NTM: variants seen among roughly 807,000 people sequenced by gnomAD.
NTM encodes the protein neurotrimin.
In NTM, 13 loss-of-function variants were observed where a neutral mutation model predicts 42.1. That is an observed-to-expected ratio of 0.31 (90% CI 0.20 to 0.49). The LOEUF (loss-of-function observed/expected upper bound fraction) is 0.49. Ranked by LOEUF, NTM falls within the 20% of genes least tolerant of loss-of-function variation. The probability of loss-of-function intolerance (pLI) is 0.99; values close to 1 mark genes in which losing one functional copy is unlikely to be tolerated. For synonymous variants in NTM, 187 were observed against 179.2 expected (o/e 1.04, Z -0.35); for missense variants, 373 against 452.8 (o/e 0.82, Z 1.60).
chr11:132,021,874 C>T (rs1219502400), intron 2 of NTM, among the ~76,000 whole-genome samples: 1 of 152,218 alleles, frequency 6.6e-6, no homozygotes, highest in Non-Finnish European at 1.5e-5. Context: ...CTGTCATGTC[C>T]TTTCTGCTCA....
Position 131,911,613 on chromosome 11 carries a change from C to T in NTM, c.132C>T (p.Asn44=). ...GDATFPKAMD[N]VTVRQGESAT... is the part of the protein sequence containing the mutation. ...CCACCTTCCCCAAAGCTATGGACAA[C>T]GTGACGGTCCGGCAGGGGGAGAGCG... is the stretch of plus-strand genomic sequence containing the variant. Residue 44 remains asparagine, a synonymous_variant, in exon 2 of 9, where the codon AAC becomes AAT. Transcript: ENST00000683400. The T allele has an allele frequency of 2.5e-6, 4 of 1,614,192 alleles. No homozygotes were observed. Among genetic ancestry groups the T allele is most frequent in the Non-Finnish European group, 3.4e-6 (4 of 1,180,038 alleles).
At chr11:131,385,598 G>A (rs943071540) in intron 1 of NTM, among the ~76,000 whole-genome samples, 3 of 152,160 alleles carry the variant, frequency 2.0e-5, no homozygotes, top group Non-Finnish European at 1.5e-5. Context: ...CCTGCCTATA[G>A]TCCTAGCACT....
At chr11:132,112,949 C>T (rs1591594707) in intron 2 of NTM, among the ~76,000 whole-genome samples, 2 of 152,080 alleles carry the variant, frequency 1.3e-5, no homozygotes, top group Admixed American at 6.6e-5. Context: ...CCAGAAAAGC[C>T]GTGGAAGATA....
chr11:131,856,938 A>C (rs142215195), intron 1 of NTM, among the ~76,000 whole-genome samples: 2 of 152,298 alleles, frequency 1.3e-5, no homozygotes, highest in South Asian at 2.1e-4. Context: ...CCAGGTATAC[A>C]TTTGCAATCC....
At chr11:132,036,991 G>A (rs551710258) in intron 2 of NTM, among the ~76,000 whole-genome samples, 1 of 152,222 alleles carries the variant, frequency 6.6e-6, no homozygotes, top group Non-Finnish European at 1.5e-5. Flanking sequence ...ACTGAGTTGT[G>A]TGATTCACAG....
intron 4 of NTM, among the ~76,000 whole-genome samples, chr11:132,288,515 T>C (rs2094334650): frequency 6.6e-6 from 1 of 152,244 alleles, no homozygotes; most frequent in Non-Finnish European, 1.5e-5. Flanking sequence ...AGAACACCAC[T>C]TGAACTGAAC....
At chr11:132,320,274 C>G (rs1479819937) in intron 7 of NTM, among the ~76,000 whole-genome samples, 1 of 152,208 alleles carries the variant, frequency 6.6e-6, no homozygotes, top group African/African-American at 2.4e-5. Flanking sequence ...CTGGGTTCAT[C>G]TCATTAAGGA....
At chr11:132,250,589 C>G (rs565470116) in intron 4 of NTM, among the ~76,000 whole-genome samples, 1 of 151,332 alleles carries the variant, frequency 6.6e-6, no homozygotes, top group Non-Finnish European at 1.5e-5. Context: ...TCTCTTCACA[C>G]TATTCACTTT....
chr11:132,184,974 C>T (rs2078171970), intron 3 of NTM, among the ~76,000 whole-genome samples: 1 of 152,084 alleles, frequency 6.6e-6, no homozygotes, highest in South Asian at 2.1e-4. Flanking sequence ...TAATACTGTA[C>T]TCTGCCACAG....
chr11:131,957,870 G>A (rs1593179921), intron 2 of NTM, among the ~76,000 whole-genome samples: 1 of 152,182 alleles, frequency 6.6e-6, no homozygotes, highest in East Asian at 1.9e-4. Context: ...GTGGTTGTGT[G>A]TGTGTGTGTA....
intron 1 of NTM, among the ~76,000 whole-genome samples, chr11:131,590,401 C>A (rs144149774): frequency 1.6e-3 from 239 of 152,220 alleles, no homozygotes; most frequent in Admixed American, 3.4e-3. Context: ...AAGAACCAAG[C>A]GACATGCTGG....
intron 2 of NTM, among the ~76,000 whole-genome samples, chr11:132,118,135 A>G: frequency 6.6e-6 from 1 of 152,254 alleles, no homozygotes; most frequent in Non-Finnish European, 1.5e-5. Flanking sequence ...CAATCTAATT[A>G]AGCGGTAGCT....
chr11:132,221,683 A>T (rs2085191232), intron 4 of NTM, among the ~76,000 whole-genome samples: 1 of 152,180 alleles, frequency 6.6e-6, no homozygotes, highest in Non-Finnish European at 1.5e-5. Context: ...CAAGTTTGAG[A>T]ACTGCTGCTG....
intron 2 of NTM, among the ~76,000 whole-genome samples, chr11:131,944,048 C>T (rs1002543803): frequency 3.3e-5 from 5 of 152,060 alleles, no homozygotes; most frequent in African/African-American, 1.2e-4. Context: ...ATAAACTTTT[C>T]TGAAACATTT....
chr11:131,568,983 A>G (rs985327407), intron 1 of NTM, among the ~76,000 whole-genome samples: 2 of 152,302 alleles, frequency 1.3e-5, no homozygotes, highest in Middle Eastern at 3.4e-3. Flanking sequence ...TAGTATATCC[A>G]TAGAATTTTG....
rs983695757 is a variant in NTM at position 131,766,479 on chromosome 11, C to T, written c.83-145085C>T. Among the ~76,000 whole-genome samples, 19 of 152,084 alleles carry T rather than the reference C, an allele frequency of 1.2e-4. No homozygotes were observed. In the East Asian group the frequency reaches 2.9e-3, roughly 23 times the overall value. ...AGCCAGCTTGTCACCTCGCCACACACGGGAGGTACGTCAAGGCTGTCATTA... is the reference window on the plus strand; with the variant it reads ...AGCCAGCTTGTCACCTCGCCACACATGGGAGGTACGTCAAGGCTGTCATTA... On this transcript the variant is annotated intron_variant, in intron 1 of 8. Coordinates refer to ENST00000683400, the MANE Select transcript of NTM (RefSeq NM_001352005.2).
chr11:131,992,440 C>T lies in NTM; in HGVS notation c.167+80792C>T, dbSNP rs140636155. On this transcript the variant is annotated intron_variant, in intron 2 of 8. Coordinates refer to ENST00000683400, the MANE Select transcript of NTM (RefSeq NM_001352005.2). ...CAACTGCATGGGGGTCCACACTCCT[C>T]ACCCCCACATTGTTCGAAGTTCAGC... 2.3e-4 allele frequency among the ~76,000 whole-genome samples: 35 copies of T among 151,950 alleles called. No homozygotes were observed. The East Asian group carries it at 6.4e-3, about 28-fold the overall frequency.
At chr11:131,804,957 T>C (rs1591980184) in intron 1 of NTM, among the ~76,000 whole-genome samples, 1 of 152,216 alleles carries the variant, frequency 6.6e-6, no homozygotes, top group East Asian at 1.9e-4. Flanking sequence ...CCACAGGTGC[T>C]CTCTTGGAAG....
intron 1 of NTM, among the ~76,000 whole-genome samples, chr11:131,827,105 T>A (rs1045875777): frequency 3.3e-5 from 5 of 152,162 alleles, no homozygotes; most frequent in Admixed American, 1.3e-4. Context: ...TACACGTTGA[T>A]GAATTGAAGC....
Sources: allele counts gnomAD v4.1 joint callset (sites outside exome capture counted in the v4.1 genomes callset), GRCh38; gene constraint gnomAD v4.1.1; transcripts MANE v1.5; gene names NCBI Gene and HGNC (gene_info 2026-07-23, HGNC 2026-07-21).